The following PDE10A variants were observed in gnomAD, a reference collection of about 807,000 sequenced individuals.
The protein encoded by PDE10A is cAMP and cAMP-inhibited cGMP 3',5'-cyclic phosphodiesterase 10A.
A neutral mutation model predicts 97.7 loss-of-function variants in PDE10A; 39 were observed. That is an observed-to-expected ratio of 0.40 (90% CI 0.31 to 0.52). PDE10A has a LOEUF of 0.52. Among genes scored for constraint, PDE10A ranks in the 20% least tolerant of loss-of-function variants. The pLI is 0.56. For missense variants in PDE10A, 731 were observed against 1,047.8 expected (o/e 0.70, Z 4.17); for synonymous variants, 371 against 376.8 (o/e 0.98, Z 0.18).
At chr6:165,798,438 A>T (rs959336555) in intron 1 of PDE10A, among the ~76,000 whole-genome samples, 5 of 152,174 alleles carry the variant, frequency 3.3e-5, no homozygotes, top group Non-Finnish European at 5.9e-5. Context: ...TTCTGTCAGT[A>T]TGTGGCCACT....
chr6:165,594,055 T>G (rs1786438886), intron 1 of PDE10A, among the ~76,000 whole-genome samples: 2 of 152,228 alleles, frequency 1.3e-5, no homozygotes, highest in Admixed American at 1.3e-4. Context: ...GGATTTGAAT[T>G]GGAGATAGCA....
In PDE10A at chr6:165,663,212, T is replaced by TGGTGGCGGCGGCGGCAGAAGACGCCC. The variant is rs1790384389; in HGVS notation, c.-427_-402dup. On this transcript the variant is annotated 5_prime_UTR_variant, in exon 1 of 22. Coordinates refer to ENST00000539869, the MANE Select transcript of PDE10A (RefSeq NM_001385079.1). ...GCAGTGCCGCTGCCCGTGGAGGCGG[T>TGGTGGCGGCGGCGGCAGAAGACGCCC]GGTGGCGGCGGCGGCAGAAGACGCC... Among the ~76,000 whole-genome samples the TGGTGGCGGCGGCGGCAGAAGACGCCC allele has an allele frequency of 6.6e-6, 1 of 151,526 alleles. No individual in the cohort carries two copies. Among genetic ancestry groups the TGGTGGCGGCGGCGGCAGAAGACGCCC allele is most frequent in the Non-Finnish European group, 1.5e-5 (1 of 67,808 alleles).
intron 1 of PDE10A, among the ~76,000 whole-genome samples, chr6:165,808,873 T>G (rs866030371): frequency 3.3e-5 from 5 of 152,340 alleles, no homozygotes; most frequent in Middle Eastern, 6.8e-3. Context: ...GGGTGGAATT[T>G]TTCTCTCACG....
At chr6:165,367,507 G>T (rs1447593281) in intron 18 of PDE10A, among the ~76,000 whole-genome samples, 2 of 152,042 alleles carry the variant, frequency 1.3e-5, no homozygotes, top group African/African-American at 4.8e-5. Flanking sequence ...GAAATGTAAT[G>T]CTTGAAACTT....
At chr6:165,748,427 C>T (rs1792892567) in intron 1 of PDE10A, among the ~76,000 whole-genome samples, 1 of 152,194 alleles carries the variant, frequency 6.6e-6, no homozygotes, top group Admixed American at 6.5e-5. Context: ...CCAGCAGCAT[C>T]ACATAAATGC....
At chr6:165,562,834 G>C (rs1277892150) in intron 1 of PDE10A, among the ~76,000 whole-genome samples, 2 of 152,098 alleles carry the variant, frequency 1.3e-5, no homozygotes. Flanking sequence ...AGAGACATCT[G>C]GCAATGTCTG....
intron 1 of PDE10A, among the ~76,000 whole-genome samples, chr6:165,628,386 C>T (rs1409888102): frequency 6.6e-6 from 1 of 151,636 alleles, no homozygotes; most frequent in Non-Finnish European, 1.5e-5. Flanking sequence ...GAGTCTTGCT[C>T]TGCTGCCTAG....
Position 165,333,097 on chromosome 6 carries a change from A to AGTG in PDE10A, c.3095_3096insCAC (p.Ile1032_Arg1033insThr), listed in dbSNP as rs1205302476. ...TCCAGGTTGCAGTCTCCTCCCCTCG[A>AGTG]ATCACCTTCTCCCACTGACTGAGAT... On this transcript the variant is annotated inframe_insertion, in exon 22 of 22. Coordinates refer to ENST00000539869, the MANE Select transcript of PDE10A (RefSeq NM_001385079.1). The AGTG allele has an allele frequency of 6.2e-7, 1 of 1,610,672 alleles. No individual in the cohort carries two copies. The highest frequency in any genetic ancestry group is 1.3e-5 in the African/African-American group (1 of 74,838).
At chr6:165,542,688 G>A (rs868658598) in intron 2 of PDE10A, among the ~76,000 whole-genome samples, 16 of 137,194 alleles carry the variant, frequency 1.2e-4, no homozygotes, top group Admixed American at 2.5e-4. Context: ...GCGCGATCTC[G>A]GCTCACTGCA....
At chr6:165,587,603 T>G (rs1280581935) in intron 1 of PDE10A, among the ~76,000 whole-genome samples, 11 of 152,194 alleles carry the variant, frequency 7.2e-5, no homozygotes, top group Non-Finnish European at 1.5e-4. Context: ...AGAGACCTAG[T>G]GATTAGCAAA....
intron 19 of PDE10A, among the ~76,000 whole-genome samples, chr6:165,342,586 C>G (rs967263555): frequency 2.6e-5 from 4 of 152,228 alleles, no homozygotes; most frequent in Non-Finnish European, 5.9e-5. Context: ...TTATGTTTTA[C>G]ATACATTCTT....
rs77062791 is a variant in PDE10A, at chr6:165,790,383, G to A, written c.-615+197146C>T. On this transcript the variant is annotated intron_variant, in intron 1 of 19. Coordinates refer to the PDE10A transcript ENST00000366882. ...ACATGGAATATGCCCTGAAAACAGC[G>A]GTGCTCTGTTTGCACACTTCTCTGG... 6.3e-3 allele frequency among the ~76,000 whole-genome samples: 960 copies of A among 152,204 alleles called. 7 individuals carry two copies. The highest frequency in any genetic ancestry group is 0.018 in the African/African-American group (757 of 41,524).
At chr6:165,798,790 T>C (rs978092514) in intron 1 of PDE10A, among the ~76,000 whole-genome samples, 10 of 152,150 alleles carry the variant, frequency 6.6e-5, no homozygotes, top group Admixed American at 2.6e-4. Context: ...CTCGGCTCAC[T>C]GCAACATCCC....
At chr6:165,695,607 G>A (rs529917643) in intron 1 of PDE10A, among the ~76,000 whole-genome samples, 4 of 152,330 alleles carry the variant, frequency 2.6e-5, no homozygotes, top group South Asian at 2.1e-4. Flanking sequence ...GGTGCAGGCT[G>A]TAAAACAGAT....
At chr6:165,794,011 C>T (rs1778736430) in intron 1 of PDE10A, among the ~76,000 whole-genome samples, 1 of 152,090 alleles carries the variant, frequency 6.6e-6, no homozygotes, top group South Asian at 2.1e-4. Flanking sequence ...AGTCCAGTCT[C>T]AAAGCTAGTA....
intron 3 of PDE10A, among the ~76,000 whole-genome samples, chr6:165,452,896 G>T (rs1341207880): frequency 7.6e-6 from 1 of 131,102 alleles, no homozygotes; most frequent in Non-Finnish European, 1.6e-5. Context: ...TCTGGTGAGG[G>T]TTTAGAAAAA....
chr6:165,450,603 C>A (rs892257770), intron 3 of PDE10A, among the ~76,000 whole-genome samples: 1 of 151,936 alleles, frequency 6.6e-6, no homozygotes, highest in Admixed American at 6.6e-5. Flanking sequence ...CTCTGTTACC[C>A]AGGCTGGAAT....
chr6:165,926,607 G>A (rs928837399), intron 1 of PDE10A, among the ~76,000 whole-genome samples: 4 of 152,188 alleles, frequency 2.6e-5, no homozygotes, highest in Admixed American at 6.5e-5. Flanking sequence ...ATGACAGGAA[G>A]AGAAAAACAA....
At chr6:165,973,301 C>T (rs1784747326) in intron 1 of PDE10A, among the ~76,000 whole-genome samples, 1 of 152,064 alleles carries the variant, frequency 6.6e-6, no homozygotes, top group East Asian at 1.9e-4. Flanking sequence ...TGCCCGTAAT[C>T]CCAGCTACTT....
Sources: allele counts gnomAD v4.1 joint callset (sites outside exome capture counted in the v4.1 genomes callset), GRCh38; gene constraint gnomAD v4.1.1; transcripts MANE v1.5; gene names NCBI Gene and HGNC (gene_info 2026-07-23, HGNC 2026-07-21).